Variants in PRR19 observed in about 807,000 individuals in gnomAD.
PRR19 encodes proline-rich protein 19.
Under a neutral mutation model 19.2 loss-of-function variants are expected in PRR19, and 9 were observed. The observed-to-expected ratio is 0.47, with a 90% CI of 0.28 to 0.82. The LOEUF (loss-of-function observed/expected upper bound fraction) is 0.82, where lower values mean the gene tolerates loss of function less well. PRR19 is among the 40% of genes least tolerant of loss of function. PRR19 has a pLI of 0.11. For missense variants in PRR19, 457 were observed against 466.0 expected (o/e 0.98, Z 0.18); for synonymous variants, 190 against 191.0 (o/e 0.99, Z 0.04).
At chr19:42,302,652 G>C (rs1034133860) in intron 1 of PRR19, 149 bp downstream of exon 1, 3 of 315,980 alleles carry the variant, frequency 9.5e-6, no homozygotes, top group African/African-American at 6.5e-5. Flanking sequence ...TCCCGAGGCG[G>C]GGAGGAGGGA....
intron 1 of PRR19, among the ~76,000 whole-genome samples, chr19:42,305,487 C>T (rs1157497743): frequency 1.3e-5 from 2 of 151,984 alleles, no homozygotes; most frequent in African/African-American, 2.4e-5. Flanking sequence ...ACTGTGTTAG[C>T]CAGGATGGTC....
At position 42,309,918 on chromosome 19, in the gene PRR19, A is replaced by G. The variant is rs1415214181; in HGVS notation, c.334A>G (p.Arg112Gly). The G allele has an allele frequency of 4.3e-6, 7 of 1,613,886 alleles. No individual in the cohort carries two copies. The South Asian group carries it at 7.7e-5, about 18-fold the overall frequency. The change falls in exon 2 of 3, where the codon AGG (arginine) becomes GGG (glycine). Residue 112 changes from arginine (R) to glycine (G), a missense_variant. Transcript: ENST00000341747. Reference protein sequence around the residue: ...LPAKPSPSPGRAQEPAPRSRD... With the variant: ...LPAKPSPSPGGAQEPAPRSRD... The stretch of plus-strand genomic sequence containing the variant: ...CGCCAAGCCCTCCCCAAGCCCAGGC[A>G]GGGCCCAGGAACCAGCCCCACGGTC...
In PRR19 at chr19:42,310,387, C is replaced by T. The variant is rs760621146; in HGVS notation, c.718C>T (p.Pro240Ser). 4 of 1,614,156 alleles carry T rather than the reference C, an allele frequency of 2.5e-6. No individual in the cohort carries two copies. The change falls in exon 3 of 3, where the codon CCC (proline) becomes TCC (serine). Residue 240 changes from proline to serine, a missense_variant. Physicochemically the swap from Pro to Ser is moderately conservative, Grantham distance 74. Coordinates refer to ENST00000341747, the MANE Select transcript of PRR19 (RefSeq NM_199285.3). ...ACAAGGGACAAAGGAGTTCACCTTC[C>T]CCATGCCCTACACCTCCAGCATGCC... ...KQQGTKEFTF[P>S]MPYTSSMPTA...
At chr19:42,304,383 C>T (rs1488452124) in intron 1 of PRR19, among the ~76,000 whole-genome samples, 1 of 149,714 alleles carries the variant, frequency 6.7e-6, no homozygotes, top group Non-Finnish European at 1.5e-5. Context: ...ACTGGGGAGG[C>T]TGAGGTGCGA....
chr19:42,310,467 T>A lies in PRR19; in HGVS notation c.798T>A (p.Phe266Leu). The change falls in exon 3 of 3, where the codon TTT becomes TTA. Residue 266 changes from phenylalanine to leucine, a missense_variant. Coordinates refer to ENST00000341747, the MANE Select transcript of PRR19 (RefSeq NM_199285.3). Reference protein sequence around the residue: ...APPRGPWPPYFPSLSSPSGTA... With the variant: ...APPRGPWPPYLPSLSSPSGTA... ...CAAGAGGTCCCTGGCCACCATACTT[T>A]CCCTCACTGTCTTCGCCATCTGGAA... 6.2e-7 allele frequency: 1 copy of A among 1,614,168 alleles called. No individual in the cohort carries two copies. The highest frequency in any genetic ancestry group is 8.5e-7 in the Non-Finnish European group (1 of 1,180,004).
rs1568542599 is a variant in PRR19, at chr19:42,309,761, CAAGCTCGTGGTCAT to C, written c.180_193del (p.Lys60AsnfsTer27). On this transcript the variant is annotated frameshift_variant, in exon 2 of 3. Transcript: ENST00000341747. LOFTEE classifies it high-confidence loss of function. ...ATCCACCTGTGGTCCCTACTGCCTC[CAAGCTCGTGGTCAT>C]AACCCAGGGCCGGCTGAGCCGGGAG... The C allele has an allele frequency of 4.3e-6, 7 of 1,610,532 alleles. No homozygotes were observed. The highest frequency in any genetic ancestry group is 4.2e-6 in the Non-Finnish European group (5 of 1,177,480).
intron 1 of PRR19, among the ~76,000 whole-genome samples, chr19:42,305,328 G>A (rs1209444213): frequency 1.3e-5 from 2 of 151,594 alleles, no homozygotes; most frequent in African/African-American, 4.8e-5. Flanking sequence ...GCCTAGGCTG[G>A]ACTGCAATGG....
At chr19:42,304,606 G>T (rs977162363) in intron 1 of PRR19, among the ~76,000 whole-genome samples, 1 of 150,966 alleles carries the variant, frequency 6.6e-6, no homozygotes, top group East Asian at 2.0e-4. Flanking sequence ...AAAAATTAGC[G>T]GGGCGTGGTG....
At position 42,310,145 on chromosome 19, in the gene PRR19, C is replaced by A; in HGVS notation, c.561C>A (p.Asp187Glu). ...TLQACHGCVPDLALVLRGCQP... is the reference protein window; with the variant it reads ...TLQACHGCVPELALVLRGCQP... ...AGGCCTGTCATGGTTGTGTGCCTGA[C>A]CTTGCCCTGGTGCTTCGGGGCTGCC... is the stretch of plus-strand genomic sequence containing the variant. The change falls in exon 2 of 3, where the codon GAC (aspartate) becomes GAA (glutamate). Residue 187 changes from aspartate (D) to glutamate (E), a missense_variant. Coordinates refer to ENST00000341747, the MANE Select transcript of PRR19 (RefSeq NM_199285.3). 5 of 1,614,074 alleles carry A rather than the reference C, an allele frequency of 3.1e-6. No homozygotes were observed. Among genetic ancestry groups the A allele is most frequent in the Non-Finnish European group, 4.2e-6 (5 of 1,180,014 alleles).
At chr19:42,308,675 AG>A (rs2038744804) in intron 1 of PRR19, 1 of 152,214 alleles carries the variant, frequency 6.6e-6, no homozygotes, top group Admixed American at 6.5e-5. Context: ...CTGGGATTAC[AG>A]GCATGAGTCA....
chr19:42,304,577 C>T (rs1248102866), intron 1 of PRR19, among the ~76,000 whole-genome samples: 2 of 149,858 alleles, frequency 1.3e-5, no homozygotes, highest in African/African-American at 4.9e-5. Context: ...GGTGAAACCC[C>T]GTCTCTACTA....
chr19:42,310,426 G>C lies in PRR19; in HGVS notation c.757G>C (p.Gly253Arg). 6.2e-7 allele frequency: 1 copy of C among 1,614,182 alleles called. No homozygotes were observed. Reference protein sequence around the residue: ...YTSSMPTAHRGSLAPPRGPWP... With the variant: ...YTSSMPTAHRRSLAPPRGPWP... The stretch of plus-strand genomic sequence containing the variant: ...CTCCAGCATGCCCACTGCGCACAGG[G>C]GGAGTCTGGCACCGCCAAGAGGTCC... Residue 253 changes from glycine (G) to arginine (R), a missense_variant, in exon 3 of 3, where the codon GGG becomes CGG. Physicochemically the swap from Gly to Arg is moderately radical, Grantham distance 125. Transcript: ENST00000341747.
At chr19:42,306,937 G>C (rs1469779074) in intron 1 of PRR19, 1 of 152,324 alleles carries the variant, frequency 6.6e-6, no homozygotes, top group Non-Finnish European at 1.5e-5. Flanking sequence ...GAAAGGGCAC[G>C]CGCATGCGTG....
At position 42,309,747 on chromosome 19, in the gene PRR19, G is replaced by A; in HGVS notation, c.163G>A (p.Val55Ile). Reference protein sequence around the residue: ...PPVAIRDPPVVPTASKLVVIT... With the variant: ...PPVAIRDPPVIPTASKLVVIT... ...TGTGGCCATTCGGGATCCACCTGTG[G>A]TCCCTACTGCCTCCAAGCTCGTGGT... The change falls in exon 2 of 3, where the codon GTC (valine) becomes ATC (isoleucine). Residue 55 changes from valine (V) to isoleucine (I), a missense_variant. Transcript: ENST00000341747. 1 of 1,608,912 alleles carries A rather than the reference G, an allele frequency of 6.2e-7. No homozygotes were observed.
Position 42,304,541 on chromosome 19 carries a change from A to G in PRR19, c.-7+2038A>G, listed in dbSNP as rs2038686916. ...GCCGAGGTGGGCAGATCACGAGGTC[A>G]GGATCGAGACCATCCTGGCTAACAC... On this transcript the variant is annotated intron_variant, in intron 1 of 2. Transcript: ENST00000341747. 2.0e-5 allele frequency among the ~76,000 whole-genome samples: 3 copies of G among 150,314 alleles called. No individual in the cohort carries two copies. In the South Asian group the frequency reaches 6.3e-4, roughly 32 times the overall value.
chr19:42,310,226 C>T (rs772738869), intron 2 of PRR19, 41 bp downstream of exon 2: 24 of 1,613,854 alleles, frequency 1.5e-5, no homozygotes, highest in South Asian at 1.3e-4. Flanking sequence ...TTTCCTTTGT[C>T]GGCTCTAGCT....
At chr19:42,304,919 C>T (rs535487341) in intron 1 of PRR19, among the ~76,000 whole-genome samples, 2 of 145,274 alleles carry the variant, frequency 1.4e-5, no homozygotes, top group African/African-American at 5.1e-5. Context: ...AAAAAGAAGT[C>T]ATAATCAGCT....
chr19:42,303,875 G>A (rs1189235474), intron 1 of PRR19, among the ~76,000 whole-genome samples: 3 of 152,110 alleles, frequency 2.0e-5, no homozygotes, highest in African/African-American at 7.2e-5. Flanking sequence ...CCTAGGAGTA[G>A]TATCTCAGCT....
chr19:42,303,067 GTGTGT>G (rs1568539705), intron 1 of PRR19, among the ~76,000 whole-genome samples: 103 of 118,710 alleles, frequency 8.7e-4, no homozygotes, highest in South Asian at 1.9e-3. Context: ...CACCGTGGGT[GTGTGT>G]GTGTGTGTGT....
Sources: allele counts gnomAD v4.1 joint callset (sites outside exome capture counted in the v4.1 genomes callset), GRCh38; gene constraint gnomAD v4.1.1; transcripts MANE v1.5; gene names NCBI Gene and HGNC (gene_info 2026-07-23, HGNC 2026-07-21).